The following OR7E24 variants were observed in gnomAD, a reference collection of about 807,000 sequenced individuals.
The protein encoded by OR7E24 is olfactory receptor family 7 subfamily E member 24.
For synonymous variants in OR7E24, 130 were observed against 157.5 expected, an observed-to-expected ratio of 0.83 and a Z score of 1.31; for missense variants, 385 against 410.3, an observed-to-expected ratio of 0.94 and a Z score of 0.53.
At chr19:9,213,535 C>T in the OR7E24 span, 1 of 182,934 alleles carries the variant, frequency 5.5e-6, no homozygotes, top group Non-Finnish European at 1.1e-5. Flanking sequence ...GTCAGGAGTT[C>T]CAGACCAGCC....
the OR7E24 span, among the ~76,000 whole-genome samples, chr19:9,220,350 C>A: frequency 2.6e-5 from 4 of 152,200 alleles, no homozygotes; most frequent in African/African-American, 9.6e-5. Context: ...CAACACTACT[C>A]CTCAACCCCA....
chr19:9,211,316 G>A, the OR7E24 span: 4 of 152,220 alleles, frequency 2.6e-5, no homozygotes, highest in African/African-American at 9.7e-5. Flanking sequence ...ACATCTGATT[G>A]CAGTCTTGTT....
chr19:9,234,554 A>G, the OR7E24 span, among the ~76,000 whole-genome samples: 2 of 152,228 alleles, frequency 1.3e-5, no homozygotes, highest in African/African-American at 4.8e-5. Context: ...GCATATTTCA[A>G]AGTAACTAGA....
the OR7E24 span, among the ~76,000 whole-genome samples, chr19:9,220,802 G>A: frequency 2.0e-5 from 3 of 152,070 alleles, no homozygotes; most frequent in South Asian, 4.1e-4. Flanking sequence ...TTTCCATAAT[G>A]GTTGTACTAA....
chr19:9,241,778 C>G, the OR7E24 span, among the ~76,000 whole-genome samples: 5 of 152,062 alleles, frequency 3.3e-5, no homozygotes, highest in Non-Finnish European at 5.9e-5. Flanking sequence ...ACAACAACTA[C>G]AAAACTAAAA....
At chr19:9,239,710 T>TC in the OR7E24 span, among the ~76,000 whole-genome samples, 3 of 127,808 alleles carry the variant, frequency 2.3e-5, no homozygotes, top group African/African-American at 1.1e-4. Context: ...TCTTTTTCTT[T>TC]TTTTTTTTTT....
the OR7E24 span, chr19:9,209,444 T>C: frequency 6.6e-6 from 1 of 152,136 alleles, no homozygotes; most frequent in African/African-American, 2.4e-5. Flanking sequence ...CCTGGCATGG[T>C]GGCTCATACC....
Position 9,251,562 on chromosome 19 carries a change from C to A in OR7E24, c.519C>A (p.Asp173Glu). The change falls in exon 1 of 1, where the codon GAC (aspartate) becomes GAA (glutamate). Residue 173 changes from aspartate to glutamate, a missense_variant. Transcript: ENST00000456448. The part of the protein sequence containing the change: ...ILLSFFISLL[D>E]SQLHNLIMLQ... ...TGTCTTTTTTTATTAGTCTTTTGGA[C>A]TCCCAGTTGCACAATTTGATTATGT... 1 of 1,613,976 alleles carries A rather than the reference C, an allele frequency of 6.2e-7. No homozygotes were observed. The highest frequency in any genetic ancestry group is 1.1e-5 in the South Asian group (1 of 91,072).
the OR7E24 span, chr19:9,211,158 G>A: frequency 6.6e-6 from 1 of 152,336 alleles, no homozygotes; most frequent in African/African-American, 2.4e-5. Flanking sequence ...GCATATGTGA[G>A]CTGCCCCATG....
chr19:9,245,129 C>A (rs867110771), upstream of OR7E24, among the ~76,000 whole-genome samples: 6 of 152,186 alleles, frequency 3.9e-5, no homozygotes, highest in South Asian at 6.2e-4. Flanking sequence ...TCACGAGAAT[C>A]GCTTGAACCC....
upstream of OR7E24, among the ~76,000 whole-genome samples, chr19:9,246,825 A>C (rs1167672963): frequency 1.3e-5 from 2 of 152,184 alleles, no homozygotes; most frequent in African/African-American, 2.4e-5. Flanking sequence ...AACAGTAATC[A>C]GAATGGTGGT....
the OR7E24 span, among the ~76,000 whole-genome samples, chr19:9,225,135 G>A: frequency 5.9e-5 from 9 of 152,212 alleles, 1 homozygote; most frequent in Admixed American, 2.0e-4. Flanking sequence ...AGCACATTGG[G>A]AGACTGAGGT....
chr19:9,210,501 G>GA, the OR7E24 span: 4 of 152,188 alleles, frequency 2.6e-5, no homozygotes, highest in Non-Finnish European at 2.9e-5. Flanking sequence ...ATTACTTGAG[G>GA]CCAGGAATTC....
chr19:9,218,998 T>C, the OR7E24 span, among the ~76,000 whole-genome samples: 3 of 152,108 alleles, frequency 2.0e-5, no homozygotes, highest in Admixed American at 1.3e-4. Flanking sequence ...AATTGTATTA[T>C]TTCTATATGA....
the OR7E24 span, chr19:9,211,111 C>T: frequency 6.6e-6 from 1 of 152,296 alleles, no homozygotes; most frequent in African/African-American, 2.4e-5. Context: ...CTCTGTTGCT[C>T]TGTCCCTTGC....
the OR7E24 span, chr19:9,212,142 C>G: frequency 2.0e-5 from 3 of 152,132 alleles, no homozygotes; most frequent in Admixed American, 1.3e-4. Flanking sequence ...TGTGAAATAA[C>G]CACATCGTGG....
the OR7E24 span, among the ~76,000 whole-genome samples, chr19:9,223,055 G>A: frequency 9.2e-5 from 14 of 152,194 alleles, no homozygotes; most frequent in African/African-American, 3.4e-4. Flanking sequence ...TATAGAAATG[G>A]TCATATGGCT....
chr19:9,210,817 G>T, the OR7E24 span: 1 of 152,138 alleles, frequency 6.6e-6, no homozygotes, highest in Non-Finnish European at 1.5e-5. Flanking sequence ...CTGAATTTAG[G>T]TGCAGAATTG....
chr19:9,236,385 C>T, the OR7E24 span, among the ~76,000 whole-genome samples: 3 of 152,030 alleles, frequency 2.0e-5, no homozygotes, highest in African/African-American at 7.2e-5. Flanking sequence ...TGGCACACGC[C>T]TGTAGTCCCA....
Sources: gnomAD v4.1 joint callset for allele counts (sites outside exome capture counted in the v4.1 genomes callset) on GRCh38, gnomAD v4.1.1 for gene constraint, MANE v1.5 for transcripts, NCBI Gene and HGNC (gene_info 2026-07-23, HGNC 2026-07-21) for gene names.